Variants in POC1B observed in about 807,000 individuals in gnomAD.
The protein encoded by POC1B is POC1 centriolar protein B.
POC1B carries 44 observed loss-of-function variants against 60.6 expected under a neutral mutation model. That is an observed-to-expected ratio of 0.73 (90% CI 0.57 to 0.93). The LOEUF (loss-of-function observed/expected upper bound fraction) is 0.93, where lower values mean the gene tolerates loss of function less well. Among genes scored for constraint, POC1B ranks in the 40% least tolerant of loss-of-function variants. The pLI is 0.00. For missense variants in POC1B, 555 were observed against 572.3 expected (o/e 0.97, Z 0.31); for synonymous variants, 180 against 198.9 (o/e 0.90, Z 0.80).
At chr12:89,517,724 C>T (rs10745506) in intron 2 of POC1B, among the ~76,000 whole-genome samples, 110,118 of 152,140 alleles carry the variant, frequency 0.72, 39,972 homozygotes, top group Middle Eastern at 0.82. Context: ...CAAATGGATT[C>T]GTGTTTACTT....
chr12:89,434,029 G>A (rs560316189), intron 10 of POC1B, among the ~76,000 whole-genome samples: 1 of 152,318 alleles, frequency 6.6e-6, no homozygotes, highest in Admixed American at 6.5e-5. Context: ...CTTCTGAACA[G>A]TGGATTATGT....
chr12:89,469,422 T>C (rs1405902971), intron 7 of POC1B, among the ~76,000 whole-genome samples: 1 of 152,188 alleles, frequency 6.6e-6, no homozygotes, highest in Non-Finnish European at 1.5e-5. Flanking sequence ...CACCTTTCTT[T>C]CTAATAAATG....
chr12:89,489,180 A>G (rs940329186), intron 4 of POC1B, among the ~76,000 whole-genome samples: 3 of 152,230 alleles, frequency 2.0e-5, no homozygotes, highest in African/African-American at 7.2e-5. Context: ...AGAATTATAT[A>G]CTGACTACTA....
intron 4 of POC1B, among the ~76,000 whole-genome samples, chr12:89,484,791 C>T (rs1049119622): frequency 1.3e-5 from 2 of 152,196 alleles, no homozygotes; most frequent in African/African-American, 4.8e-5. Context: ...ACAACTGCAA[C>T]AAGCAAAGAG....
chr12:89,524,217 G>A (rs1191767973), intron 2 of POC1B: 2 of 1,613,948 alleles, frequency 1.2e-6, no homozygotes, highest in Admixed American at 1.7e-5. Flanking sequence ...GTCGATGCAG[G>A]GAAATCCTGT....
intron 7 of POC1B, 32 bp downstream of exon 7, chr12:89,470,329 T>C: frequency 8.3e-7 from 1 of 1,200,616 alleles, no homozygotes; most frequent in Non-Finnish European, 1.1e-6. Context: ...TATATTTTTA[T>C]ATATAAAAAG....
intron 2 of POC1B, among the ~76,000 whole-genome samples, chr12:89,514,402 C>CTTTCT (rs1555186453): frequency 7.5e-5 from 5 of 67,088 alleles, no homozygotes; most frequent in Non-Finnish European, 1.0e-4. Flanking sequence ...TCATGTATTT[C>CTTTCT]TTTTTTTTTT....
At chr12:89,517,649 A>T (rs538285621) in intron 2 of POC1B, among the ~76,000 whole-genome samples, 1 of 152,162 alleles carries the variant, frequency 6.6e-6, no homozygotes, top group African/African-American at 2.4e-5. Flanking sequence ...AAAAAAGAAA[A>T]AAGCATTCTA....
intron 2 of POC1B, among the ~76,000 whole-genome samples, chr12:89,512,696 G>A (rs1316140001): frequency 6.6e-6 from 1 of 152,202 alleles, no homozygotes; most frequent in Non-Finnish European, 1.5e-5. Context: ...GGAGGTCAAG[G>A]CTGCAGTGTG....
At chr12:89,509,752 A>G (rs1565756121) in intron 2 of POC1B, among the ~76,000 whole-genome samples, 1 of 152,198 alleles carries the variant, frequency 6.6e-6, no homozygotes, top group South Asian at 2.1e-4. Context: ...CCCATGCTCA[A>G]TATATCTTTG....
At chr12:89,428,715 T>A (rs1316122625) in intron 10 of POC1B, 2 of 152,224 alleles carry the variant, frequency 1.3e-5, no homozygotes, top group East Asian at 3.9e-4. Flanking sequence ...CACCACCACC[T>A]CCAGCTACTT....
chr12:89,425,482 A>G, intron 10 of POC1B, 103 bp from the exon 11 acceptor site: 1 of 809,676 alleles, frequency 1.2e-6, no homozygotes, highest in Non-Finnish European at 1.9e-6. Flanking sequence ...CCAGGCTTAC[A>G]TTGAAGATTT....
At chr12:89,511,343 GA>G (rs1469781396) in intron 2 of POC1B, among the ~76,000 whole-genome samples, 3 of 151,442 alleles carry the variant, frequency 2.0e-5, no homozygotes, top group African/African-American at 7.3e-5. Flanking sequence ...TTGACTCCGG[GA>G]GGCAGAAGTT....
chr12:89,462,056 T>A (rs1882504242), intron 9 of POC1B, among the ~76,000 whole-genome samples: 1 of 151,870 alleles, frequency 6.6e-6, no homozygotes, highest in Non-Finnish European at 1.5e-5. Context: ...TCACGTAGAG[T>A]CAGCACCTGT....
At chr12:89,447,309 C>G (rs772127821) in intron 10 of POC1B, among the ~76,000 whole-genome samples, 1 of 152,000 alleles carries the variant, frequency 6.6e-6, no homozygotes, top group Non-Finnish European at 1.5e-5. Context: ...GTAAGACAGT[C>G]ATATGTTTAT....
chr12:89,497,115 C>T, intron 3 of POC1B, 56 bp downstream of exon 3: 1 of 1,554,634 alleles, frequency 6.4e-7, no homozygotes, highest in South Asian at 1.2e-5. Context: ...CCAGGGTCAG[C>T]TTTCTTTCAC....
chr12:89,443,062 A>C (rs1881604377), intron 10 of POC1B, among the ~76,000 whole-genome samples: 1 of 152,222 alleles, frequency 6.6e-6, no homozygotes, highest in Non-Finnish European at 1.5e-5. Flanking sequence ...ACTATCCTAA[A>C]TATATATGCA....
At chr12:89,480,595 A>AT (rs765505677) in intron 4 of POC1B, among the ~76,000 whole-genome samples, 332 of 69,850 alleles carry the variant, frequency 4.8e-3, no homozygotes, top group East Asian at 0.013. Context: ...TAATTTTTGT[A>AT]TTTTTTTTTT....
chr12:89,425,291 C>T lies in POC1B; in HGVS notation c.1202G>A (p.Cys401Tyr), dbSNP rs138358967. ...TTTCTTTTTCGTGGTTGTTGGCAAA[C>T]ATTCTGGTGACATTAAGGAAGGGTT... ...FLNPSLMSPECLPTTTKKKTE... is the reference protein window; with the variant it reads ...FLNPSLMSPEYLPTTTKKKTE... The change falls in exon 11 of 12, where the codon TGT becomes TAT. Residue 401 changes from cysteine to tyrosine, a missense_variant. By Grantham distance (194) the Cys-to-Tyr change is radical. Coordinates refer to ENST00000313546, the MANE Select transcript of POC1B (RefSeq NM_172240.3). The T allele has an allele frequency of 1.0e-4, 169 of 1,614,136 alleles. No homozygotes were observed. Among genetic ancestry groups the T allele is most frequent in the South Asian group, 4.9e-4 (45 of 91,084 alleles).
Sources: gnomAD v4.1 joint callset for allele counts (sites outside exome capture counted in the v4.1 genomes callset) on GRCh38, gnomAD v4.1.1 for gene constraint, MANE v1.5 for transcripts, NCBI Gene and HGNC (gene_info 2026-07-23, HGNC 2026-07-21) for gene names.